DGKB: variants seen among roughly 807,000 people sequenced by gnomAD.
The protein encoded by DGKB is 90 kDa diacylglycerol kinase.
Under a neutral mutation model 114.3 loss-of-function variants are expected in DGKB, and 67 were observed. That is an observed-to-expected ratio of 0.59 (90% CI 0.48 to 0.72). The LOEUF (loss-of-function observed/expected upper bound fraction) is 0.72. Ranked by LOEUF, DGKB falls within the 30% of genes least tolerant of loss-of-function variation. The pLI, the probability that DGKB is intolerant of heterozygous loss-of-function variation, is 0.00. For synonymous variants in DGKB, 398 were observed against 323.1 expected (o/e 1.23, Z -2.49); for missense variants, 907 against 975.2 (o/e 0.93, Z 0.93).
intron 16 of DGKB, among the ~76,000 whole-genome samples, chr7:14,608,299 A>C (rs1804891398): frequency 6.6e-6 from 1 of 152,116 alleles, no homozygotes; most frequent in South Asian, 2.1e-4. Flanking sequence ...AAATCAATAA[A>C]TGTGATTCAC....
chr7:14,691,689 T>C (rs1338836528), intron 9 of DGKB, among the ~76,000 whole-genome samples: 1 of 152,112 alleles, frequency 6.6e-6, no homozygotes, highest in Non-Finnish European at 1.5e-5. Flanking sequence ...GCTTACTTTT[T>C]TCACAAAAAT....
chr7:14,519,570 G>A (rs577678706), intron 20 of DGKB, among the ~76,000 whole-genome samples: 97 of 152,062 alleles, frequency 6.4e-4, no homozygotes, highest in Non-Finnish European at 1.0e-3. Context: ...ATTTCAATGA[G>A]CATAAATTTT....
At chr7:14,683,829 T>A (rs1230199339) in intron 10 of DGKB, among the ~76,000 whole-genome samples, 1 of 152,050 alleles carries the variant, frequency 6.6e-6, no homozygotes, top group Non-Finnish European at 1.5e-5. Context: ...GAAAACATGT[T>A]TTCTCTTCTC....
At chr7:14,526,017 A>C (rs899198433) in intron 20 of DGKB, among the ~76,000 whole-genome samples, 1 of 152,294 alleles carries the variant, frequency 6.6e-6, no homozygotes, top group East Asian at 1.9e-4. Flanking sequence ...TTTCTATATT[A>C]TATTTTATGT....
At chr7:14,965,296 G>C (rs1787086684) in intron 1 of DGKB, among the ~76,000 whole-genome samples, 1 of 152,068 alleles carries the variant, frequency 6.6e-6, no homozygotes, top group Non-Finnish European at 1.5e-5. Flanking sequence ...ATTGCCATAA[G>C]TATATAGTTA....
chr7:14,176,428 C>T (rs1343458222), intron 25 of DGKB: 1 of 986,412 alleles, frequency 1.0e-6, no homozygotes. Flanking sequence ...CAAATGGAGG[C>T]ATAGAAAAGC....
At chr7:14,746,820 A>G (rs544596841) in intron 4 of DGKB, among the ~76,000 whole-genome samples, 74 of 152,262 alleles carry the variant, frequency 4.9e-4, no homozygotes, top group African/African-American at 1.7e-3. Flanking sequence ...TTATTGGTAC[A>G]GAAAACTGTA....
At chr7:14,629,525 A>G (rs1434769069) in intron 14 of DGKB, among the ~76,000 whole-genome samples, 1 of 152,086 alleles carries the variant, frequency 6.6e-6, no homozygotes, top group Non-Finnish European at 1.5e-5. Flanking sequence ...TTTCTAAAAT[A>G]AGCAGATTTT....
chr7:14,468,158 A>G (rs1381603463), intron 21 of DGKB, among the ~76,000 whole-genome samples: 1 of 152,228 alleles, frequency 6.6e-6, no homozygotes, highest in African/African-American at 2.4e-5. Flanking sequence ...ATACTAACAA[A>G]ACAGCAATTG....
intron 20 of DGKB, among the ~76,000 whole-genome samples, chr7:14,547,599 T>A (rs572713811): frequency 2.4e-4 from 36 of 152,320 alleles, no homozygotes; most frequent in African/African-American, 8.2e-4. Flanking sequence ...CTGTTGCAGA[T>A]TAATTACATC....
At chr7:14,478,364 T>A in intron 20 of DGKB, 139 bp from the exon 21 acceptor site, 1 of 515,724 alleles carries the variant, frequency 1.9e-6, no homozygotes, top group South Asian at 4.1e-5. Context: ...TATGTAAAAT[T>A]AGGCAAAAAT....
At chr7:14,700,576 A>T (rs1824991208) in intron 7 of DGKB, among the ~76,000 whole-genome samples, 1 of 152,188 alleles carries the variant, frequency 6.6e-6, no homozygotes, top group Admixed American at 6.5e-5. Flanking sequence ...GCATCAATTC[A>T]GAGTGATGGT....
intron 20 of DGKB, among the ~76,000 whole-genome samples, chr7:14,533,869 A>C (rs1486870273): frequency 6.6e-6 from 1 of 152,118 alleles, no homozygotes; most frequent in East Asian, 1.9e-4. Flanking sequence ...ACAATAACTA[A>C]GGGAAATCCT....
chr7:14,405,697 G>A lies in DGKB; in HGVS notation c.1836-60306C>T, dbSNP rs532398834. On this transcript the variant is annotated intron_variant, in intron 21 of 25. Transcript: ENST00000402815. Reference sequence around the variant, plus strand: ...AACAATAATCATTCAAGCTATATAGGTTGTGCCTCATGAAACAAAAGGACT... The same window carrying A: ...AACAATAATCATTCAAGCTATATAGATTGTGCCTCATGAAACAAAAGGACT... Among the ~76,000 whole-genome samples the A allele has an allele frequency of 2.2e-4, 34 of 152,090 alleles. No homozygotes were observed. In the South Asian group the frequency reaches 6.6e-3, roughly 30 times the overall value.
intron 20 of DGKB, among the ~76,000 whole-genome samples, chr7:14,541,114 T>A (rs564817261): frequency 1.3e-5 from 2 of 152,206 alleles, no homozygotes; most frequent in African/African-American, 4.8e-5. Flanking sequence ...TCTCCTTTTT[T>A]TTTTTTCTAG....
intron 23 of DGKB, among the ~76,000 whole-genome samples, chr7:14,241,093 G>C (rs1403527534): frequency 6.6e-6 from 1 of 152,140 alleles, no homozygotes; most frequent in African/African-American, 2.4e-5. Flanking sequence ...TTCTGGCCTA[G>C]ATTAAGCCTT....
intron 13 of DGKB, among the ~76,000 whole-genome samples, chr7:14,643,805 C>T (rs1812333235): frequency 6.6e-6 from 1 of 152,180 alleles, no homozygotes; most frequent in Non-Finnish European, 1.5e-5. Flanking sequence ...CTGGGGTCCA[C>T]TGCCAGTGCC....
intron 21 of DGKB, among the ~76,000 whole-genome samples, chr7:14,393,753 T>A (rs1821795962): frequency 6.6e-6 from 1 of 152,224 alleles, no homozygotes; most frequent in Non-Finnish European, 1.5e-5. Flanking sequence ...TCAAGGATAA[T>A]GTTTTTATAG....
chr7:14,440,038 A>G (rs196747), intron 21 of DGKB, among the ~76,000 whole-genome samples: 149,857 of 152,138 alleles, frequency 0.99, 73,904 homozygotes, highest in Non-Finnish European at 1. Flanking sequence ...CTGTTTTCAA[A>G]AAAGGGTCCA....
Sources: gnomAD v4.1 joint callset for allele counts (sites outside exome capture counted in the v4.1 genomes callset) on GRCh38, gnomAD v4.1.1 for gene constraint, MANE v1.5 for transcripts, NCBI Gene and HGNC (gene_info 2026-07-23, HGNC 2026-07-21) for gene names.